FBXL17: variants seen among roughly 807,000 people sequenced by gnomAD.
The protein encoded by FBXL17 is F-box and leucine rich repeat protein 17.
FBXL17 carries 22 observed loss-of-function variants against 66.2 expected under a neutral mutation model. The ratio of observed to expected loss-of-function variants is 0.33; its 90% CI spans 0.24 to 0.47. The LOEUF (loss-of-function observed/expected upper bound fraction) is 0.47, where lower values mean the gene tolerates loss of function less well. Ranked by LOEUF, FBXL17 falls within the 20% of genes least tolerant of loss-of-function variation. FBXL17 has a pLI of 1.00. For missense variants in FBXL17, 878 were observed against 948.2 expected (o/e 0.93, Z 0.97); for synonymous variants, 474 against 400.5 (o/e 1.18, Z -2.19).
intron 4 of FBXL17, among the ~76,000 whole-genome samples, chr5:108,324,825 T>C (rs1211388183): frequency 6.6e-6 from 1 of 152,026 alleles, no homozygotes; most frequent in Non-Finnish European, 1.5e-5. Context: ...TTCTAACACA[T>C]GCTACAACAT....
chr5:108,283,686 T>A (rs997597660), intron 4 of FBXL17, among the ~76,000 whole-genome samples: 2 of 151,694 alleles, frequency 1.3e-5, no homozygotes, highest in Admixed American at 1.3e-4. Flanking sequence ...TGAATGTGAC[T>A]TAATTAAACT....
chr5:107,997,164 G>A (rs6879851), intron 7 of FBXL17, among the ~76,000 whole-genome samples: 26,526 of 152,000 alleles, frequency 0.17, 6,463 homozygotes, highest in African/African-American at 0.54. Flanking sequence ...AGTGACATCT[G>A]GTTTTAAATC....
Position 108,318,915 on chromosome 5 carries a change from G to A in FBXL17, c.1506+29484C>T, listed in dbSNP as rs938336835. Among the ~76,000 whole-genome samples the A allele has an allele frequency of 2.6e-5, 4 of 151,820 alleles. No individual in the cohort carries two copies. In the East Asian group the frequency reaches 5.8e-4, roughly 22 times the overall value. On this transcript the variant is annotated intron_variant, in intron 4 of 8. Coordinates refer to ENST00000542267, the MANE Select transcript of FBXL17 (RefSeq NM_001163315.3). ...TAACTTTACAGTTTTAAAAATCATA[G>A]TGAAAATGAAATATTGATTTAAAAA...
At chr5:107,948,030 T>C (rs1256530564) in intron 7 of FBXL17, among the ~76,000 whole-genome samples, 2 of 152,098 alleles carry the variant, frequency 1.3e-5, no homozygotes, top group Non-Finnish European at 2.9e-5. Context: ...TGGGACTTGC[T>C]GCCCGCCAAC....
At chr5:107,987,863 T>C (rs1753079956) in intron 7 of FBXL17, among the ~76,000 whole-genome samples, 1 of 151,994 alleles carries the variant, frequency 6.6e-6, no homozygotes, top group Non-Finnish European at 1.5e-5. Flanking sequence ...TAAAATATAA[T>C]TCTTTGGCCA....
At chr5:108,289,789 T>C (rs751194868) in intron 4 of FBXL17, among the ~76,000 whole-genome samples, 16 of 152,134 alleles carry the variant, frequency 1.1e-4, no homozygotes, top group Non-Finnish European at 2.2e-4. Context: ...CTTTGGAAGG[T>C]TGCCTAACAG....
intron 4 of FBXL17, among the ~76,000 whole-genome samples, chr5:108,318,618 T>TATTTCATTAAGC: frequency 6.6e-6 from 1 of 152,028 alleles, no homozygotes; most frequent in Middle Eastern, 3.4e-3. Flanking sequence ...ATCAAAACTG[T>TATTTCATTAAGC]ATTTCATTAA....
chr5:108,185,989 T>G (rs1753214120), intron 6 of FBXL17, 128 bp downstream of exon 6: 7 of 734,582 alleles, frequency 9.5e-6, no homozygotes, highest in African/African-American at 1.8e-5. Context: ...TTTTCAAAAC[T>G]TAAACATAAC....
intron 6 of FBXL17, among the ~76,000 whole-genome samples, chr5:108,185,442 T>C (rs1369694310): frequency 6.6e-6 from 1 of 152,230 alleles, no homozygotes; most frequent in Non-Finnish European, 1.5e-5. Flanking sequence ...ATCTGCTTTT[T>C]GCCATGCTTG....
intron 8 of FBXL17, among the ~76,000 whole-genome samples, chr5:107,877,922 T>C (rs1302060400): frequency 1.3e-5 from 2 of 152,206 alleles, no homozygotes; most frequent in African/African-American, 2.4e-5. Context: ...TCCCTAATCA[T>C]AGTTTTTCTG....
chr5:108,173,149 A>T (rs1245901468), intron 6 of FBXL17, among the ~76,000 whole-genome samples: 1 of 152,154 alleles, frequency 6.6e-6, no homozygotes, highest in Non-Finnish European at 1.5e-5. Flanking sequence ...CATCACCAAG[A>T]AATCTAGATT....
intron 5 of FBXL17, among the ~76,000 whole-genome samples, chr5:108,203,275 C>T (rs1184418357): frequency 2.6e-5 from 4 of 151,810 alleles, no homozygotes; most frequent in Non-Finnish European, 4.4e-5. Context: ...GTATTACTAT[C>T]CTTCTTTTAC....
In FBXL17 at chr5:108,278,303, A is replaced by G. The variant is rs369994000; in HGVS notation, c.1507-54075T>C. 4.6e-5 allele frequency among the ~76,000 whole-genome samples: 7 copies of G among 152,310 alleles called. No individual in the cohort carries two copies. In the East Asian group the frequency reaches 9.6e-4, roughly 21 times the overall value. On this transcript the variant is annotated intron_variant, in intron 4 of 8. Coordinates refer to ENST00000542267, the MANE Select transcript of FBXL17 (RefSeq NM_001163315.3). ...GGGTTCCACACCCTTTCTGAAACCT[A>G]AGAAACAGTAAGATGCTATTCTCAA...
intron 6 of FBXL17, among the ~76,000 whole-genome samples, chr5:108,175,615 G>A (rs1752768312): frequency 6.6e-6 from 1 of 152,166 alleles, no homozygotes; most frequent in African/African-American, 2.4e-5. Context: ...GAAGCGTAAA[G>A]GTTCAAGCTG....
chr5:107,886,871 A>T (rs1274288157), intron 7 of FBXL17, among the ~76,000 whole-genome samples: 1 of 151,520 alleles, frequency 6.6e-6, no homozygotes, highest in African/African-American at 2.4e-5. Context: ...CATTCTACAA[A>T]TTATTTCACT....
intron 7 of FBXL17, among the ~76,000 whole-genome samples, chr5:107,938,806 G>T (rs1266611196): frequency 6.6e-6 from 1 of 151,990 alleles, no homozygotes; most frequent in Non-Finnish European, 1.5e-5. Flanking sequence ...GAATAATAGT[G>T]GCCCTTCTTT....
At chr5:108,164,113 ATAG>A (rs1336197372) in intron 6 of FBXL17, among the ~76,000 whole-genome samples, 1 of 152,242 alleles carries the variant, frequency 6.6e-6, no homozygotes, top group East Asian at 1.9e-4. Context: ...AGTAATCAAA[ATAG>A]TTCTTAAGCC....
intron 6 of FBXL17, among the ~76,000 whole-genome samples, chr5:108,161,586 C>A (rs1434174335): frequency 6.6e-6 from 1 of 152,204 alleles, no homozygotes; most frequent in Non-Finnish European, 1.5e-5. Context: ...AGAGGTTAGA[C>A]CTTCCTCATC....
chr5:108,296,303 T>G (rs942252345), intron 4 of FBXL17, among the ~76,000 whole-genome samples: 1 of 151,784 alleles, frequency 6.6e-6, no homozygotes, highest in African/African-American at 2.4e-5. Context: ...GATTCATGAT[T>G]TGAAACAATG....
Sources: gnomAD v4.1 joint callset for allele counts (sites outside exome capture counted in the v4.1 genomes callset) on GRCh38, gnomAD v4.1.1 for gene constraint, MANE v1.5 for transcripts, NCBI Gene and HGNC (gene_info 2026-07-23, HGNC 2026-07-21) for gene names.